SLC7A2: variants seen among roughly 807,000 people sequenced by gnomAD.
The protein encoded by SLC7A2 is cationic amino acid transporter 2.
SLC7A2 carries 48 observed loss-of-function variants against 58.9 expected under a neutral mutation model. The ratio of observed to expected loss-of-function variants is 0.82; its 90% CI spans 0.65 to 1.04. The LOEUF (loss-of-function observed/expected upper bound fraction) is 1.04. Among genes scored for constraint, SLC7A2 ranks in the 50% least tolerant of loss-of-function variants. The probability of loss-of-function intolerance (pLI) is 0.00; values close to 1 mark genes in which losing one functional copy is unlikely to be tolerated. For missense variants in SLC7A2, 1,029 were observed against 818.8 expected, an observed-to-expected ratio of 1.26 and a Z score of -3.13; for synonymous variants, 363 against 314.5, an observed-to-expected ratio of 1.15 and a Z score of -1.63.
intron 2 of SLC7A2, chr8:17,538,666 T>C (rs1224537323): frequency 4.3e-6 from 3 of 701,756 alleles, no homozygotes; most frequent in African/African-American, 1.9e-5. Flanking sequence ...AACTTTAACA[T>C]TGTAGAAACG....
chr8:17,532,229 CAAAAAAA>C (rs534441508), intron 2 of SLC7A2, among the ~76,000 whole-genome samples: 2 of 46,200 alleles, frequency 4.3e-5, no homozygotes, highest in Non-Finnish European at 3.5e-5. Context: ...GACTCTATCT[CAAAAAAA>C]AAAAAAAAAA....
At chr8:17,538,199 G>C (rs1454459822) in intron 2 of SLC7A2, among the ~76,000 whole-genome samples, 1 of 152,190 alleles carries the variant, frequency 6.6e-6, no homozygotes, top group Non-Finnish European at 1.5e-5. Context: ...TAAAATGGGA[G>C]AAAATATCAA....
chr8:17,495,202 G>C (rs1238510587), upstream of SLC7A2, among the ~76,000 whole-genome samples: 2 of 151,876 alleles, frequency 1.3e-5, no homozygotes, highest in Non-Finnish European at 2.9e-5. Context: ...TCGCCTCCTC[G>C]AGTGCCAGGG....
chr8:17,533,087 C>G lies in SLC7A2; in HGVS notation c.-22-10231C>G, dbSNP rs141946510. Among the ~76,000 whole-genome samples the G allele has an allele frequency of 8.6e-3, 1,302 of 152,202 alleles. 6 individuals carry two copies. Among genetic ancestry groups the G allele is most frequent in the Non-Finnish European group, 0.014 (971 of 68,010 alleles). On this transcript the variant is annotated intron_variant, in intron 2 of 12. Coordinates refer to ENST00000494857, the MANE Select transcript of SLC7A2 (RefSeq NM_001370338.1). ...GTTCTAGATAGAAATTTTAGAGGCT[C>G]TGAATCATGAAGAACCAGCACCCTT...
chr8:17,527,642 A>T (rs1196068016), intron 2 of SLC7A2, among the ~76,000 whole-genome samples: 1 of 152,152 alleles, frequency 6.6e-6, no homozygotes, highest in Non-Finnish European at 1.5e-5. Flanking sequence ...GTGGCCATCC[A>T]TCTTTGGCGT....
At position 17,562,029 on chromosome 8, in the gene SLC7A2, C is replaced by G. The variant is rs772415857; in HGVS notation, c.1590C>G (p.Leu530=). ...TGGAGGCCTGGAGCCTCGCTCTCCT[C>G]GCGCTGTTTCTTGTTCTCTTCGTTG... ...TRLEAWSLAL[L]ALFLVLFVAI... is the part of the protein sequence containing the mutation. The change falls in exon 11 of 13, where the codon CTC becomes CTG. Residue 530 remains leucine (L), a synonymous_variant. Transcript: ENST00000494857. 9 of 1,614,056 alleles carry G rather than the reference C, an allele frequency of 5.6e-6. No homozygotes were observed. Among genetic ancestry groups the G allele is most frequent in the Non-Finnish European group, 6.8e-6 (8 of 1,179,988 alleles).
intron 2 of SLC7A2, among the ~76,000 whole-genome samples, chr8:17,517,937 A>G (rs1002221960): frequency 2.0e-5 from 3 of 152,102 alleles, no homozygotes; most frequent in African/African-American, 7.2e-5. Context: ...GTTCAAATCC[A>G]GCTCTGTGAC....
At chr8:17,538,605 C>A (rs940704322) in intron 2 of SLC7A2, among the ~76,000 whole-genome samples, 2 of 152,126 alleles carry the variant, frequency 1.3e-5, no homozygotes, top group African/African-American at 2.4e-5. Flanking sequence ...ATATCTTTTT[C>A]CTCTTTACTA....
intron 12 of SLC7A2, 93 bp from the exon 13 acceptor site, chr8:17,564,857 C>A: frequency 9.4e-7 from 1 of 1,064,734 alleles, no homozygotes; most frequent in Non-Finnish European, 1.3e-6. Context: ...AAGAGACAAA[C>A]TCTATTAAGT....
Position 17,500,776 on chromosome 8 carries a change from G to A in SLC7A2, c.-68-1481G>A, listed in dbSNP as rs188895918. Among the ~76,000 whole-genome samples, 1,274 of 150,054 alleles carry A rather than the reference G, an allele frequency of 8.5e-3. 14 individuals carry two copies. The highest frequency in any genetic ancestry group is 0.03 in the African/African-American group (1,200 of 40,370). On this transcript the variant is annotated intron_variant, in intron 1 of 12. Transcript: ENST00000494857. ...TGCACTCCAGCCTGGGTGACTGAGC[G>A]AGACTCTGTCTCAACACACACATAC...
In SLC7A2 at chr8:17,563,186, C is replaced by T. The variant is rs142715452; in HGVS notation, c.1672-417C>T. 1.1e-3 allele frequency among the ~76,000 whole-genome samples: 172 copies of T among 152,156 alleles called. 1 individual carries two copies. Among genetic ancestry groups the T allele is most frequent in the African/African-American group, 4.0e-3 (168 of 41,532 alleles). On this transcript the variant is annotated intron_variant, in intron 11 of 12. Transcript: ENST00000494857. ...AAATTGAACATTAAAAAGATAAGCT[C>T]CTCCACTGCAAGTTAAACTATCCTG...
chr8:17,526,181 G>A (rs899108732), intron 2 of SLC7A2, among the ~76,000 whole-genome samples: 4 of 152,104 alleles, frequency 2.6e-5, no homozygotes, highest in Non-Finnish European at 5.9e-5. Flanking sequence ...CAAGAGGGGA[G>A]GATACCAGAA....
intron 1 of SLC7A2, chr8:17,500,044 T>C (rs1172261516): frequency 6.6e-6 from 1 of 152,214 alleles, no homozygotes; most frequent in African/African-American, 2.4e-5. Flanking sequence ...TACTTTCTAC[T>C]CTGTACACTG....
rs1250050033 is a variant in SLC7A2, at chr8:17,566,518, A to G, written c.*1372A>G. 6.6e-6 allele frequency: 1 copy of G among 152,208 alleles called. No individual in the cohort carries two copies. Among genetic ancestry groups the G allele is most frequent in the Non-Finnish European group, 1.5e-5 (1 of 68,038 alleles). The allele number at this position is 152,208 out of a possible 1,614,324, so 9.4% of individuals were successfully genotyped here. A position where few individuals can be genotyped will look rare whatever the true frequency, so the allele number is the denominator to read the frequency against. On this transcript the variant is annotated 3_prime_UTR_variant, in exon 13 of 13. Transcript: ENST00000494857. ...CTTTCAAATGACTACACTAAGCCTA[A>G]TAATACAAGCTCCAGTGTTATACAA... is the stretch of plus-strand genomic sequence containing the variant.
Position 17,570,211 on chromosome 8 carries a change from G to A in SLC7A2, c.*5065G>A, listed in dbSNP as rs1230087963. ...TATTGCCAACAGGTTGGGTTTCTCT[G>A]GCCTACACCTGATTAATGGGCCCTT... On this transcript the variant is annotated 3_prime_UTR_variant, in exon 13 of 13. Coordinates refer to ENST00000494857, the MANE Select transcript of SLC7A2 (RefSeq NM_001370338.1). The A allele has an allele frequency of 2.6e-5, 4 of 152,192 alleles. No individual in the cohort carries two copies. Among genetic ancestry groups the A allele is most frequent in the Admixed American group, 6.5e-5 (1 of 15,284 alleles). The allele number at this position is 152,192 out of a possible 1,614,324, so 9.4% of individuals were successfully genotyped here.
intron 2 of SLC7A2, among the ~76,000 whole-genome samples, chr8:17,515,028 C>G (rs2150675349): frequency 6.6e-6 from 1 of 152,230 alleles, no homozygotes; most frequent in Middle Eastern, 3.4e-3. Context: ...GCCTACTATG[C>G]TGAATTAAAT....
At chr8:17,555,579 A>T (rs1802658318) in intron 8 of SLC7A2, among the ~76,000 whole-genome samples, 1 of 151,788 alleles carries the variant, frequency 6.6e-6, no homozygotes, top group African/African-American at 2.4e-5. Context: ...ATTCAAGATG[A>T]TTTATGCTTG....
At chr8:17,537,578 GC>G (rs1255264452) in intron 2 of SLC7A2, among the ~76,000 whole-genome samples, 1 of 152,160 alleles carries the variant, frequency 6.6e-6, no homozygotes, top group Non-Finnish European at 1.5e-5. Flanking sequence ...TGAAGACAGT[GC>G]TGTGGGGAGG....
intron 1 of SLC7A2, chr8:17,499,330 C>CCTCTCTCTCTGT (rs1446329964): frequency 2.0e-5 from 3 of 147,654 alleles, no homozygotes; most frequent in Non-Finnish European, 3.0e-5. Flanking sequence ...TTTCTCTCTT[C>CCTCTCTCTCTGT]CTCTCTCTCT....
Sources: gnomAD v4.1 joint callset for allele counts (sites outside exome capture counted in the v4.1 genomes callset) on GRCh38, gnomAD v4.1.1 for gene constraint, MANE v1.5 for transcripts, NCBI Gene and HGNC (gene_info 2026-07-23, HGNC 2026-07-21) for gene names.